Variants in SAMHD1 observed in about 807,000 individuals in gnomAD.
SAMHD1 encodes the protein deoxynucleoside triphosphate triphosphohydrolase SAMHD1.
Under a neutral mutation model 79.6 loss-of-function variants are expected in SAMHD1, and 54 were observed. The ratio of observed to expected loss-of-function variants is 0.68; its 90% CI spans 0.55 to 0.85. SAMHD1 has a LOEUF of 0.85. Ranked by LOEUF, SAMHD1 falls within the 40% of genes least tolerant of loss-of-function variation. The probability of loss-of-function intolerance (pLI) is 0.00; values close to 1 mark genes in which losing one functional copy is unlikely to be tolerated. For missense variants in SAMHD1, 663 were observed against 782.7 expected, an observed-to-expected ratio of 0.85 and a Z score of 1.82; for synonymous variants, 260 against 264.1, an observed-to-expected ratio of 0.98 and a Z score of 0.15.
chr20:36,911,096 TAAAA>T, intron 11 of SAMHD1, 118 bp downstream of exon 11: 1 of 636,586 alleles, frequency 1.6e-6, no homozygotes, highest in Admixed American at 2.8e-5. Flanking sequence ...TTTATTTTTT[TAAAA>T]TTAAATAATT....
intron 5 of SAMHD1, among the ~76,000 whole-genome samples, chr20:36,929,454 G>A (rs1487472408): frequency 6.6e-6 from 1 of 152,140 alleles, no homozygotes; most frequent in Non-Finnish European, 1.5e-5. Context: ...AACAGTCCCG[G>A]CCCAACGTGG....
At chr20:36,948,876 A>G (rs2063713161) in intron 1 of SAMHD1, among the ~76,000 whole-genome samples, 1 of 106,836 alleles carries the variant, frequency 9.4e-6, no homozygotes, top group South Asian at 3.3e-4. Context: ...AAAAAAAAAA[A>G]AAAAAGAAAA....
rs540388035 is a variant in SAMHD1 at position 36,926,651 on chromosome 20, T to C, written c.696+531A>G. On this transcript the variant is annotated intron_variant, in intron 6 of 15. Coordinates refer to ENST00000646673, the MANE Select transcript of SAMHD1 (RefSeq NM_015474.4). The stretch of plus-strand genomic sequence containing the variant: ...TTTCAATATATATTAATATCCTTTT[T>C]CTATTCCCGTTCCAGAAATACAGTG... 1.2e-3 allele frequency among the ~76,000 whole-genome samples: 186 copies of C among 152,308 alleles called. 2 individuals are homozygous for C. Among genetic ancestry groups the C allele is most frequent in the African/African-American group, 4.3e-3 (177 of 41,582 alleles).
chr20:36,904,667 A>T (rs1439161850), intron 12 of SAMHD1: 1 of 256,936 alleles, frequency 3.9e-6, no homozygotes, highest in African/African-American at 2.3e-5. Context: ...CAGTGAGCTG[A>T]GATCGCGCCA....
rs1463826514 is a variant in SAMHD1 at position 36,890,410 on chromosome 20, C to CTTTCTTTCTTTCTT, written c.*2521_*2522insAAGAAAGAAAGAAA. ...GATATTTCTTTCTCTTTCTTTCTTT[C>CTTTCTTTCTTTCTT]TTTCTTTCTTTTCTTTCTCTCTTTC... On this transcript the variant is annotated 3_prime_UTR_variant, in exon 16 of 16. Coordinates refer to ENST00000646673, the MANE Select transcript of SAMHD1 (RefSeq NM_015474.4). 6 of 149,820 alleles carry CTTTCTTTCTTTCTT rather than the reference C, an allele frequency of 4.0e-5. No homozygotes were observed. Among genetic ancestry groups the CTTTCTTTCTTTCTT allele is most frequent in the African/African-American group, 1.5e-4 (6 of 40,660 alleles). The allele number at this position is 149,820 out of a possible 1,614,324, so 9.3% of individuals were successfully genotyped here.
chr20:36,918,798 T>A (rs2063489339), intron 7 of SAMHD1, among the ~76,000 whole-genome samples: 2 of 35,874 alleles, frequency 5.6e-5, no homozygotes, highest in Admixed American at 4.8e-4. Flanking sequence ...TAAGACTCTA[T>A]CTCAAAAAAA....
intron 15 of SAMHD1, chr20:36,897,516 G>A (rs2148355312): frequency 2.3e-6 from 1 of 426,422 alleles, no homozygotes; most frequent in Admixed American, 3.6e-5. Context: ...CTGAAAGATG[G>A]AGACACTATG....
chr20:36,935,007 C>T (rs879236546), intron 4 of SAMHD1, 22 bp downstream of exon 4: 1 of 1,612,420 alleles, frequency 6.2e-7, no homozygotes, highest in Admixed American at 1.7e-5. Context: ...ACTGCAAGTT[C>T]CCCACCCCAT....
intron 3 of SAMHD1, chr20:36,935,487 T>A (rs1040853987): frequency 7.5e-6 from 3 of 399,248 alleles, no homozygotes; most frequent in Non-Finnish European, 1.4e-5. Flanking sequence ...TTGTCTTGTA[T>A]TCAAGTTAAA....
chr20:36,899,256 C>T (rs1216459539), intron 13 of SAMHD1, among the ~76,000 whole-genome samples: 1 of 115,360 alleles, frequency 8.7e-6, no homozygotes. Context: ...ACCAAAAATA[C>T]TAAAAAAAAA....
intron 3 of SAMHD1, among the ~76,000 whole-genome samples, chr20:36,937,393 A>C (rs977055758): frequency 4.6e-5 from 7 of 152,210 alleles, no homozygotes; most frequent in African/African-American, 1.7e-4. Context: ...ATAAAAACTT[A>C]AAACTTTTGT....
Position 36,916,916 on chromosome 20 carries a change from T to G in SAMHD1, c.953+33A>C, listed in dbSNP as rs1044329914. On this transcript the variant is annotated intron_variant, in intron 8 of 15. Coordinates refer to ENST00000646673, the MANE Select transcript of SAMHD1 (RefSeq NM_015474.4). ...GTAATACTAAATTTATATAAATATT[T>G]TAGCCAACTTTTCAGAAGTGTTCAG... is the stretch of plus-strand genomic sequence containing the variant. 6 of 1,579,936 alleles carry G rather than the reference T, an allele frequency of 3.8e-6. No individual in the cohort carries two copies. The African/African-American group carries it at 8.1e-5, about 21-fold the overall frequency.
At chr20:36,942,288 C>A (rs983998878) in intron 2 of SAMHD1, among the ~76,000 whole-genome samples, 2 of 152,068 alleles carry the variant, frequency 1.3e-5, no homozygotes, top group African/African-American at 4.8e-5. Flanking sequence ...GGTGGTGGCG[C>A]ATGCCTGTAA....
chr20:36,921,409 A>AC (rs2063503773), intron 6 of SAMHD1, among the ~76,000 whole-genome samples: 1 of 151,656 alleles, frequency 6.6e-6, no homozygotes, highest in African/African-American at 2.4e-5. Context: ...AAAAAAAAAA[A>AC]AAACGAATTG....
intron 15 of SAMHD1, 53 bp from the exon 16 acceptor site, chr20:36,893,119 T>C: frequency 6.2e-7 from 1 of 1,602,622 alleles, no homozygotes; most frequent in East Asian, 2.2e-5. Flanking sequence ...GTTTCCATCA[T>C]CTTATTTCTG....
chr20:36,893,327 A>G, intron 15 of SAMHD1: 1 of 535,862 alleles, frequency 1.9e-6, no homozygotes, highest in South Asian at 2.1e-5. Context: ...ACCACTGCCC[A>G]CCTCTATGGC....
intron 13 of SAMHD1, among the ~76,000 whole-genome samples, chr20:36,898,786 C>T (rs1731965697): frequency 6.6e-6 from 1 of 151,782 alleles, no homozygotes; most frequent in African/African-American, 2.4e-5. Flanking sequence ...GTGGCATGCG[C>T]CTGTAACCCC....
intron 3 of SAMHD1, among the ~76,000 whole-genome samples, chr20:36,936,594 C>T (rs1448846462): frequency 1.3e-5 from 2 of 152,082 alleles, no homozygotes; most frequent in East Asian, 1.9e-4. Flanking sequence ...GCATGAGCCA[C>T]CGCGCCTGGC....
chr20:36,946,151 C>T (rs1053347468), intron 2 of SAMHD1, among the ~76,000 whole-genome samples: 6 of 151,736 alleles, frequency 4.0e-5, no homozygotes, highest in Non-Finnish European at 7.4e-5. Context: ...GGCAGCCGGG[C>T]GCGGTAATTC....
Sources: gnomAD v4.1 joint callset for allele counts (sites outside exome capture counted in the v4.1 genomes callset) on GRCh38, gnomAD v4.1.1 for gene constraint, MANE v1.5 for transcripts, NCBI Gene and HGNC (gene_info 2026-07-23, HGNC 2026-07-21) for gene names.